Variants in GLB1L2 observed in about 807,000 individuals in gnomAD.
GLB1L2 encodes the protein galactosidase beta 1 like 2.
A neutral mutation model predicts 84.1 loss-of-function variants in GLB1L2; 68 were observed. That is an observed-to-expected ratio of 0.81 (90% CI 0.67 to 0.99). The LOEUF (loss-of-function observed/expected upper bound fraction) is 0.99. Among genes scored for constraint, GLB1L2 ranks in the 50% least tolerant of loss-of-function variants. The pLI is 0.00. For missense variants in GLB1L2, 762 were observed against 805.6 expected (o/e 0.95, Z 0.66); for synonymous variants, 290 against 318.0 (o/e 0.91, Z 0.94).
intron 2 of GLB1L2, among the ~76,000 whole-genome samples, chr11:134,343,805 G>T (rs1943505474): frequency 6.6e-6 from 1 of 152,196 alleles, no homozygotes; most frequent in South Asian, 2.1e-4. Flanking sequence ...AGCCAGGCAG[G>T]CTCTCCTCCT....
rs1944012046 is a variant in GLB1L2, at chr11:134,375,352, T to C, written c.*294T>C. The C allele has an allele frequency of 2.8e-6, 1 of 359,486 alleles. No individual in the cohort carries two copies. The highest frequency in any genetic ancestry group is 5.0e-6 in the Non-Finnish European group (1 of 200,326). 22.3% of individuals were successfully genotyped at this position (359,486 alleles called of 1,614,324 possible). Reference sequence around the variant, plus strand: ...AGCAGCTAATCAGATCGCCCAGCCTTTGGCCCTCAGAAAAAGTGCTGAAAC... The same window carrying C: ...AGCAGCTAATCAGATCGCCCAGCCTCTGGCCCTCAGAAAAAGTGCTGAAAC... On this transcript the variant is annotated 3_prime_UTR_variant, in exon 19 of 19. Coordinates refer to ENST00000535456, the MANE Select transcript of GLB1L2 (RefSeq NM_001370461.1).
chr11:134,347,202 G>A (rs1943563565), intron 4 of GLB1L2, 123 bp from the exon 5 acceptor site: 1 of 763,452 alleles, frequency 1.3e-6, no homozygotes, highest in South Asian at 1.5e-5. Context: ...TCAGTGGGGT[G>A]GAGGAGGGCA....
chr11:134,341,278 TCC>T (rs1161869654), intron 1 of GLB1L2, among the ~76,000 whole-genome samples: 2 of 152,188 alleles, frequency 1.3e-5, no homozygotes, highest in African/African-American at 4.8e-5. Flanking sequence ...GTTGCATTTC[TCC>T]GGGACCCTCA....
intron 5 of GLB1L2, among the ~76,000 whole-genome samples, chr11:134,349,029 AAC>A (rs1259449284): frequency 6.6e-6 from 1 of 152,134 alleles, no homozygotes; most frequent in East Asian, 1.9e-4. Flanking sequence ...ATTTTGGGAG[AAC>A]ACAGTCTATT....
intron 2 of GLB1L2, among the ~76,000 whole-genome samples, chr11:134,343,881 G>C (rs1282923077): frequency 1.3e-5 from 2 of 152,226 alleles, no homozygotes; most frequent in African/African-American, 4.8e-5. Context: ...GTGGGGCCGG[G>C]AGAAGAGCAG....
chr11:134,368,857 CAG>C lies in GLB1L2; in HGVS notation c.1027+77_1027+78del. The C allele has an allele frequency of 3.3e-6, 5 of 1,513,864 alleles. No individual in the cohort carries two copies. In the South Asian group the frequency reaches 4.7e-5, roughly 14 times the overall value. 93.8% of individuals were successfully genotyped at this position (1,513,864 alleles called of 1,614,324 possible). On this transcript the variant is annotated intron_variant, in intron 10 of 18. Transcript: ENST00000535456. ...CTGGGACTTGCTATGGAGAGGCCCT[CAG>C]GGTCAACTTCTGGCACCTTCGTGTC...
In GLB1L2 at chr11:134,332,088, G is replaced by T. The variant is rs140197621; in HGVS notation, c.27G>T (p.Arg9Ser). 1.7e-5 allele frequency: 27 copies of T among 1,587,948 alleles called. 1 individual carries two copies. The African/African-American group carries it at 2.9e-4, about 17-fold the overall frequency. ...TGACCACGTGGAGCCTCCGGCGGAG[G>T]CCGGCCCGCACGCTGGGACTCCTGC... MTTWSLRR[R>S]PARTLGLLLL... Residue 9 changes from arginine to serine, a missense_variant, in exon 1 of 19, where the codon AGG becomes AGT. This residue lies in a region of GLB1L2 where 100 missense variants were observed against 88.8 expected (regional missense o/e 1.13). Transcript: ENST00000535456.
Position 134,351,108 on chromosome 11 carries a change from C to T in GLB1L2, c.558+3675C>T, listed in dbSNP as rs77112878. On this transcript the variant is annotated intron_variant, in intron 5 of 18. Transcript: ENST00000535456. ...CACGAATGCTTGGTTTGTTCCTGATCGTAGAGGAAAAGTTTTCAGTCTTTC... is the reference window on the plus strand; with the variant it reads ...CACGAATGCTTGGTTTGTTCCTGATTGTAGAGGAAAAGTTTTCAGTCTTTC... 1.7e-4 allele frequency among the ~76,000 whole-genome samples: 26 copies of T among 152,278 alleles called. No homozygotes were observed. The East Asian group carries it at 3.5e-3, about 20-fold the overall frequency.
intron 6 of GLB1L2, among the ~76,000 whole-genome samples, chr11:134,356,667 T>C (rs1411775020): frequency 2.6e-5 from 4 of 152,346 alleles, no homozygotes; most frequent in South Asian, 4.1e-4. Flanking sequence ...GAAGGCTTCC[T>C]GGAGAGGCGG....
intron 16 of GLB1L2, 125 bp from the exon 17 acceptor site, chr11:134,374,020 G>A: frequency 2.5e-6 from 2 of 785,262 alleles, no homozygotes; most frequent in East Asian, 4.9e-5. Flanking sequence ...CTGCCATTCT[G>A]TGTCCTGGTT....
chr11:134,368,706 C>T lies in GLB1L2; in HGVS notation c.952C>T (p.His318Tyr). ...AGSSINLYMFHGGTNFGFMNG... is the reference protein window; with the variant it reads ...AGSSINLYMFYGGTNFGFMNG... ...CTCCTCCATCAACCTCTACATGTTC[C>T]ACGGAGGCACCAACTTTGGCTTCAT... The change falls in exon 10 of 19, where the codon CAC (histidine) becomes TAC (tyrosine). Residue 318 changes from histidine to tyrosine, a missense_variant. His to Tyr is a moderately conservative substitution (Grantham distance 83). Around this residue, in one of 3 missense-constraint regions of GLB1L2, gnomAD observed 603 missense variants for 611.7 expected, o/e 0.99. Coordinates refer to ENST00000535456, the MANE Select transcript of GLB1L2 (RefSeq NM_001370461.1). 1 of 1,614,036 alleles carries T rather than the reference C, an allele frequency of 6.2e-7. No homozygotes were observed. Among genetic ancestry groups the T allele is most frequent in the Non-Finnish European group, 8.5e-7 (1 of 1,180,020 alleles).
In GLB1L2 at chr11:134,374,216, C is replaced by T; in HGVS notation, c.1667C>T (p.Ser556Phe). The T allele has an allele frequency of 6.2e-7, 1 of 1,613,918 alleles. No individual in the cohort carries two copies. ...TLPAFFLGSL[S>F]ISSTPCDTFL... Reference sequence around the variant, plus strand: ...CCTGCTTTCTTCTTGGGTAGCTTGTCCATCAGCTCCACCCCTTGTGACACC... The same window carrying T: ...CCTGCTTTCTTCTTGGGTAGCTTGTTCATCAGCTCCACCCCTTGTGACACC... Residue 556 changes from serine to phenylalanine, a missense_variant, in exon 17 of 19, where the codon TCC becomes TTC. Ser to Phe is a radical substitution (Grantham distance 155, BLOSUM62 -2). Coordinates refer to ENST00000535456, the MANE Select transcript of GLB1L2 (RefSeq NM_001370461.1).
At position 134,370,911 on chromosome 11, in the gene GLB1L2, C is replaced by T. The variant is rs1159390832; in HGVS notation, c.1216-97C>T. 52 of 1,395,898 alleles carry T rather than the reference C, an allele frequency of 3.7e-5. No individual in the cohort carries two copies. The highest frequency in any genetic ancestry group is 5.0e-5 in the Non-Finnish European group (51 of 1,010,016). The allele number at this position is 1,395,898 out of a possible 1,614,324, so 86.5% of individuals were successfully genotyped here. A position where few individuals can be genotyped will look rare whatever the true frequency, so the allele number is the denominator to read the frequency against. On this transcript the variant is annotated intron_variant, in intron 12 of 18. Transcript: ENST00000535456. This position sits in a 1 kb window ranked among gnomAD's most constrained non-coding sequence, Gnocchi z 4.7. ...GTCAAAGTAGAAAACACCCACCAAA[C>T]CTCCGCTTCCACCCCATGTGCCAGC... is the stretch of plus-strand genomic sequence containing the variant.
In GLB1L2 at chr11:134,367,264, A is replaced by G. The variant is rs1943877990; in HGVS notation, c.812A>G (p.Gln271Arg). The G allele has an allele frequency of 1.2e-6, 2 of 1,613,990 alleles. No homozygotes were observed. Among genetic ancestry groups the G allele is most frequent in the South Asian group, 2.2e-5 (2 of 91,080 alleles). ...TCATTTTGTGGTGTCCAGGGGACTCAGCCCAAGATGGTGATGGAGTACTGG... is the reference window on the plus strand; with the variant it reads ...TCATTTTGTGGTGTCCAGGGGACTCGGCCCAAGATGGTGATGGAGTACTGG... ...TTFLFNVQGT[Q>R]PKMVMEYWTG... The change falls in exon 9 of 19, where the codon CAG (glutamine) becomes CGG (arginine). Residue 271 changes from glutamine to arginine, a missense_variant. By Grantham distance (43) the Gln-to-Arg change is conservative. Around this residue, in one of 3 missense-constraint regions of GLB1L2, gnomAD observed 603 missense variants for 611.7 expected, o/e 0.99. Transcript: ENST00000535456.
chr11:134,369,975 TCGACCC>T lies in GLB1L2; in HGVS notation c.1108+92_1108+97del, dbSNP rs368157697. 1.0e-4 allele frequency: 106 copies of T among 1,060,212 alleles called. No homozygotes were observed. The South Asian group carries it at 1.3e-3, about 13-fold the overall frequency. 65.7% of individuals were successfully genotyped at this position (1,060,212 alleles called of 1,614,324 possible). On this transcript the variant is annotated intron_variant, in intron 11 of 18. Coordinates refer to ENST00000535456, the MANE Select transcript of GLB1L2 (RefSeq NM_001370461.1). ...AGAGTTACTTCCTTACTGTCCCACC[TCGACCC>T]CAGTTGATCTGCGTGCAAGAATATC...
chr11:134,363,187 G>A (rs1397110746), intron 7 of GLB1L2, among the ~76,000 whole-genome samples: 2 of 152,192 alleles, frequency 1.3e-5, no homozygotes, highest in South Asian at 2.1e-4. Context: ...GCTGCTGGAG[G>A]GCAGGGACAG....
In GLB1L2 at chr11:134,338,112, TACTCCGGATGTTCACGGC is replaced by T. The variant is rs368418425; in HGVS notation, c.87-4628_87-4611del. Among the ~76,000 whole-genome samples, 2,036 of 152,250 alleles carry T rather than the reference TACTCCGGATGTTCACGGC, an allele frequency of 0.013. 52 individuals carry two copies. The highest frequency in any genetic ancestry group is 0.046 in the African/African-American group (1,895 of 41,534). The stretch of plus-strand genomic sequence containing the variant: ...GCCTGGTCTCCACCGGCGGTCATCG[TACTCCGGATGTTCACGGC>T]ACTCCGGATGTTCTGCTGTGCCCGG... On this transcript the variant is annotated intron_variant, in intron 1 of 18. Coordinates refer to ENST00000535456, the MANE Select transcript of GLB1L2 (RefSeq NM_001370461.1). The surrounding 1 kb of genome is among the most constrained non-coding windows in gnomAD (Gnocchi z 6.2).
In GLB1L2 at chr11:134,334,906, A is replaced by G. The variant is rs1943358703; in HGVS notation, c.86+2759A>G. Among the ~76,000 whole-genome samples the G allele has an allele frequency of 6.6e-6, 1 of 152,074 alleles. No individual in the cohort carries two copies. Among genetic ancestry groups the G allele is most frequent in the African/African-American group, 2.4e-5 (1 of 41,386 alleles). On this transcript the variant is annotated intron_variant, in intron 1 of 18. Transcript: ENST00000535456. This position sits in a 1 kb window ranked among gnomAD's most constrained non-coding sequence, Gnocchi z 4.1. Reference sequence around the variant, plus strand: ...CCATGAACACAAGAATGCCTGCTTGATATTATCTAAAGGCATGGTTCTCAT... The same window carrying G: ...CCATGAACACAAGAATGCCTGCTTGGTATTATCTAAAGGCATGGTTCTCAT...
chr11:134,368,271 G>A (rs564755287), intron 9 of GLB1L2, among the ~76,000 whole-genome samples: 208 of 152,290 alleles, frequency 1.4e-3, no homozygotes, highest in African/African-American at 4.9e-3. Flanking sequence ...AGGTGTCAGA[G>A]TTTTCTCTCT....
Sources: gnomAD v4.1 joint callset for allele counts (sites outside exome capture counted in the v4.1 genomes callset) on GRCh38, gnomAD v4.1.1 for gene constraint, gnomAD v4.1.1 regional missense constraint, Gnocchi (gnomAD v3.1) non-coding constraint, MANE v1.5 for transcripts, NCBI Gene and HGNC (gene_info 2026-07-23, HGNC 2026-07-21) for gene names.